SLC25A26: variants seen among roughly 807,000 people sequenced by gnomAD.
SLC25A26 encodes mitochondrial S-adenosylmethionine carrier protein.
Under a neutral mutation model 37.8 loss-of-function variants are expected in SLC25A26, and 36 were observed. That is an observed-to-expected ratio of 0.95 (90% CI 0.73 to 1.26). The LOEUF (loss-of-function observed/expected upper bound fraction) is 1.26. Among genes scored for constraint, SLC25A26 ranks in the 50% most tolerant of loss-of-function variants. The pLI is 0.00. For synonymous variants in SLC25A26, 129 were observed against 122.5 expected, an observed-to-expected ratio of 1.05 and a Z score of -0.35; for missense variants, 390 against 331.1, an observed-to-expected ratio of 1.18 and a Z score of -1.38.
chr3:66,337,370 A>T (rs2076113398), intron 5 of SLC25A26, among the ~76,000 whole-genome samples: 1 of 152,128 alleles, frequency 6.6e-6, no homozygotes. Context: ...AGAATGTCCT[A>T]CACATTAGAA....
intron 6 of SLC25A26, among the ~76,000 whole-genome samples, chr3:66,354,591 T>G (rs1353778097): frequency 1.3e-5 from 2 of 152,196 alleles, no homozygotes; most frequent in African/African-American, 4.8e-5. Context: ...TAATAGTAGT[T>G]AAAATGTCTA....
At chr3:66,209,905 TA>T (rs2071259119) in intron 1 of SLC25A26, among the ~76,000 whole-genome samples, 407 of 19,720 alleles carry the variant, frequency 0.021, 19 homozygotes, top group Middle Eastern at 0.038. Context: ...TATTTATATA[TA>T]TATATATATA....
chr3:66,337,933 C>T (rs763992544), intron 5 of SLC25A26, among the ~76,000 whole-genome samples: 49 of 151,942 alleles, frequency 3.2e-4, no homozygotes, highest in Non-Finnish European at 5.9e-4. Context: ...TATTGAAATG[C>T]ACAAATTATA....
At chr3:66,259,371 G>A (rs2073431877) in intron 3 of SLC25A26, among the ~76,000 whole-genome samples, 1 of 152,044 alleles carries the variant, frequency 6.6e-6, no homozygotes, top group African/African-American at 2.4e-5. Context: ...TTACTTTCTA[G>A]TTTTATAGCC....
At chr3:66,176,011 A>T (rs1349819275) in intron 1 of SLC25A26, among the ~76,000 whole-genome samples, 4 of 143,148 alleles carry the variant, frequency 2.8e-5, no homozygotes, top group Non-Finnish European at 1.5e-5. Flanking sequence ...AATGGTTGTT[A>T]AATTAAAAAA....
chr3:66,197,380 G>C (rs2071059128), intron 1 of SLC25A26, among the ~76,000 whole-genome samples: 2 of 152,116 alleles, frequency 1.3e-5, no homozygotes, highest in African/African-American at 4.8e-5. Context: ...TTCAGAGTAA[G>C]TTTCAATATA....
At chr3:66,235,662 A>G (rs2072242661) in intron 1 of SLC25A26, among the ~76,000 whole-genome samples, 1 of 152,230 alleles carries the variant, frequency 6.6e-6, no homozygotes, top group Admixed American at 6.5e-5. Flanking sequence ...TAAGACAACA[A>G]TATAACATTT....
At chr3:66,356,045 T>A (rs2076568333) in intron 6 of SLC25A26, 3 of 456,204 alleles carry the variant, frequency 6.6e-6, no homozygotes, top group South Asian at 3.1e-5. Flanking sequence ...GGAAGCCATA[T>A]AACTGCTTTT....
intron 3 of SLC25A26, among the ~76,000 whole-genome samples, chr3:66,247,586 A>G (rs777276561): frequency 1.3e-5 from 2 of 152,352 alleles, no homozygotes; most frequent in Non-Finnish European, 2.9e-5. Flanking sequence ...GCTGTAATCC[A>G]GACATGAGAC....
intron 5 of SLC25A26, among the ~76,000 whole-genome samples, chr3:66,291,353 T>G (rs2074700795): frequency 6.6e-6 from 1 of 152,156 alleles, no homozygotes; most frequent in Non-Finnish European, 1.5e-5. Context: ...TGCTAGCGTT[T>G]GAATTTGTTT....
chr3:66,292,412 GTA>G (rs2074744466), intron 5 of SLC25A26, among the ~76,000 whole-genome samples: 1 of 152,096 alleles, frequency 6.6e-6, no homozygotes, highest in Admixed American at 6.6e-5. Flanking sequence ...TTACAATTTG[GTA>G]TGTTTTTGCA....
At chr3:66,331,130 C>A (rs1016247888) in intron 5 of SLC25A26, among the ~76,000 whole-genome samples, 1 of 151,944 alleles carries the variant, frequency 6.6e-6, no homozygotes, top group Non-Finnish European at 1.5e-5. Context: ...TATGCTATAT[C>A]TAAACTTCTG....
intron 5 of SLC25A26, among the ~76,000 whole-genome samples, chr3:66,322,918 C>T (rs1267813995): frequency 1.3e-5 from 2 of 149,982 alleles, no homozygotes; most frequent in African/African-American, 2.4e-5. Flanking sequence ...CAAATTTCCC[C>T]CAATCTGTTT....
intron 1 of SLC25A26, among the ~76,000 whole-genome samples, chr3:66,232,587 T>C (rs988174229): frequency 2.6e-5 from 4 of 152,162 alleles, no homozygotes; most frequent in African/African-American, 9.7e-5. Context: ...AACAACAAGA[T>C]CTAAACCTGA....
intron 6 of SLC25A26, among the ~76,000 whole-genome samples, chr3:66,349,489 T>TC (rs55837427): frequency 1.3e-5 from 2 of 152,032 alleles, no homozygotes; most frequent in African/African-American, 4.8e-5. Context: ...CTTTTTTTTT[T>TC]ACTTAATGTA....
chr3:66,252,044 C>T (rs1025026848), intron 3 of SLC25A26, among the ~76,000 whole-genome samples: 4 of 152,084 alleles, frequency 2.6e-5, no homozygotes, highest in African/African-American at 7.2e-5. Flanking sequence ...CGATTCTGAG[C>T]CACAGGAGTG....
intron 5 of SLC25A26, among the ~76,000 whole-genome samples, chr3:66,299,144 G>A (rs1230198826): frequency 1.3e-5 from 2 of 152,144 alleles, no homozygotes; most frequent in African/African-American, 4.8e-5. Flanking sequence ...TTCATTTGAT[G>A]TGCGTGTATA....
intron 1 of SLC25A26, among the ~76,000 whole-genome samples, chr3:66,177,627 C>A (rs1198810994): frequency 6.6e-6 from 1 of 152,238 alleles, no homozygotes; most frequent in African/African-American, 2.4e-5. Context: ...ATCGTCTGTC[C>A]TGTGACTGCC....
chr3:66,273,764 G>A (rs1460722422), intron 5 of SLC25A26, among the ~76,000 whole-genome samples: 1 of 152,128 alleles, frequency 6.6e-6, no homozygotes, highest in African/African-American at 2.4e-5. Flanking sequence ...ACAAACGAAT[G>A]GAAGAACATT....
Sources: gnomAD v4.1 joint callset for allele counts (sites outside exome capture counted in the v4.1 genomes callset) on GRCh38, gnomAD v4.1.1 for gene constraint, MANE v1.5 for transcripts, NCBI Gene and HGNC (gene_info 2026-07-23, HGNC 2026-07-21) for gene names.